SLC38A8: variants seen among roughly 807,000 people sequenced by gnomAD.
The protein encoded by SLC38A8 is amino acid transporter SLC38A8.
A neutral mutation model predicts 46.0 loss-of-function variants in SLC38A8; 65 were observed. That is an observed-to-expected ratio of 1.41 (90% CI 1.16 to 1.74). SLC38A8 has a LOEUF of 1.74. Among genes scored for constraint, SLC38A8 ranks in the 40% most tolerant of loss-of-function variants. The pLI is 0.00. For synonymous variants in SLC38A8, 447 were observed against 243.7 expected, an observed-to-expected ratio of 1.83 and a Z score of -7.77; for missense variants, 998 against 567.9, an observed-to-expected ratio of 1.76 and a Z score of -7.70.
At chr16:84,019,348 A>G (rs1037573971) in intron 7 of SLC38A8, among the ~76,000 whole-genome samples, 24 of 152,262 alleles carry the variant, frequency 1.6e-4, no homozygotes, top group Admixed American at 5.2e-4. Flanking sequence ...TGCTGGGATT[A>G]CAAGCATGAG....
intron 10 of SLC38A8, among the ~76,000 whole-genome samples, chr16:84,011,074 G>A (rs983690907): frequency 1.3e-5 from 2 of 152,204 alleles, no homozygotes; most frequent in Non-Finnish European, 2.9e-5. Context: ...AGAAGGCCGG[G>A]TTGTCATGGA....
intron 2 of SLC38A8, among the ~76,000 whole-genome samples, chr16:84,038,022 A>T (rs778976024): frequency 7.5e-4 from 114 of 151,862 alleles, no homozygotes; most frequent in Non-Finnish European, 1.3e-3. Context: ...ATTATAAAAA[A>T]TTTTCAGGCC....
chr16:84,041,533 A>C (rs9928107), intron 2 of SLC38A8, among the ~76,000 whole-genome samples: 1 of 152,086 alleles, frequency 6.6e-6, no homozygotes, highest in African/African-American at 2.4e-5. Context: ...GGCTGGTCTC[A>C]AACTCCTGAC....
At position 84,011,046 on chromosome 16, in the gene SLC38A8, GC is replaced by G. The variant is rs1264150175; in HGVS notation, c.1215-1170del. Among the ~76,000 whole-genome samples the G allele has an allele frequency of 5.3e-5, 8 of 152,256 alleles. No homozygotes were observed. In the South Asian group the frequency reaches 1.7e-3, roughly 32 times the overall value. On this transcript the variant is annotated intron_variant, in intron 10 of 10. Transcript: ENST00000299709. ...GGCAGGGCCACCAGAGATATTTGTG[GC>G]CCCATTAACAAAGACCAGAAGGCCG...
At chr16:84,015,584 T>G (rs944272852) in intron 9 of SLC38A8, among the ~76,000 whole-genome samples, 12 of 152,036 alleles carry the variant, frequency 7.9e-5, no homozygotes, top group African/African-American at 2.9e-4. Flanking sequence ...CGGCGGGGGT[T>G]CAGGGCCTCG....
intron 9 of SLC38A8, among the ~76,000 whole-genome samples, chr16:84,015,895 T>C (rs1195199550): frequency 6.6e-6 from 1 of 152,156 alleles, no homozygotes; most frequent in East Asian, 1.9e-4. Context: ...AGTAGGCTGG[T>C]CTCGACCTCC....
intron 6 of SLC38A8, among the ~76,000 whole-genome samples, chr16:84,024,374 TTAC>T (rs972455436): frequency 1.5e-4 from 23 of 152,292 alleles, no homozygotes; most frequent in Admixed American, 1.0e-3. Context: ...AGATGACTTC[TTAC>T]TACATTGCCC....
intron 6 of SLC38A8, among the ~76,000 whole-genome samples, chr16:84,027,825 C>T (rs1038119206): frequency 2.3e-4 from 35 of 152,308 alleles, no homozygotes; most frequent in African/African-American, 7.9e-4. Context: ...ATCGGGGAGG[C>T]GGCCCCGGCG....
In SLC38A8 at chr16:84,013,318, G is replaced by A. The variant is rs1345062249; in HGVS notation, c.1163-266C>T. On this transcript the variant is annotated intron_variant, in intron 9 of 10. Coordinates refer to ENST00000299709, the MANE Select transcript of SLC38A8 (RefSeq NM_001080442.3). The stretch of plus-strand genomic sequence containing the variant: ...ATCTTTCAGGCAACCTTGACAACAT[G>A]CCCCCCCACAGCAGAGTCTATGAGG... Among the ~76,000 whole-genome samples, 6 of 151,330 alleles carry A rather than the reference G, an allele frequency of 4.0e-5. No individual in the cohort carries two copies. In the East Asian group the frequency reaches 5.8e-4, roughly 15 times the overall value.
intron 10 of SLC38A8, among the ~76,000 whole-genome samples, chr16:84,010,566 A>C (rs975444125): frequency 1.3e-5 from 2 of 151,374 alleles, no homozygotes; most frequent in African/African-American, 4.8e-5. Context: ...ACATGGTGAA[A>C]CCCCATCTCT....
At chr16:84,031,767 G>A in intron 5 of SLC38A8, 100 bp downstream of exon 5, 3 of 988,096 alleles carry the variant, frequency 3.0e-6, no homozygotes, top group Non-Finnish European at 4.7e-6. Flanking sequence ...CCCAGGCTCT[G>A]CAGTGAGCCA....
intron 3 of SLC38A8, 77 bp from the exon 4 acceptor site, chr16:84,033,546 C>A (rs2085270481): frequency 6.7e-7 from 1 of 1,484,130 alleles, no homozygotes; most frequent in Non-Finnish European, 9.0e-7. Context: ...GCCCTTCAAC[C>A]CTGGCTGGGG....
intron 10 of SLC38A8, among the ~76,000 whole-genome samples, chr16:84,011,461 A>T (rs992752597): frequency 1.2e-4 from 19 of 152,262 alleles, no homozygotes; most frequent in Middle Eastern, 3.4e-3. Context: ...TCCTTTGCAA[A>T]AACCAAGCTT....
chr16:84,033,269 C>T (rs1359839517), intron 4 of SLC38A8, 59 bp downstream of exon 4: 52 of 1,611,258 alleles, frequency 3.2e-5, no homozygotes, highest in Non-Finnish European at 4.2e-5. Context: ...TGGACAGAAA[C>T]CCTGACACAA....
chr16:84,025,566 G>A (rs140126733), intron 6 of SLC38A8, among the ~76,000 whole-genome samples: 147 of 152,238 alleles, frequency 9.7e-4, no homozygotes, highest in African/African-American at 3.2e-3. Flanking sequence ...GGCCAGGATC[G>A]GAGCCTGCAC....
At chr16:84,043,150 T>G (rs2085385986), upstream of SLC38A8, among the ~76,000 whole-genome samples, 2 of 152,172 alleles carry the variant, frequency 1.3e-5, no homozygotes, top group African/African-American at 4.8e-5. Flanking sequence ...GTCTCAGAGC[T>G]AATCCCATGC....
intron 6 of SLC38A8, among the ~76,000 whole-genome samples, chr16:84,028,362 C>T (rs1031347973): frequency 1.3e-5 from 2 of 152,040 alleles, no homozygotes; most frequent in African/African-American, 4.8e-5. Context: ...GGGCAGATCG[C>T]TTGACGTCAG....
chr16:84,034,337 C>A (rs1567702181), intron 3 of SLC38A8, among the ~76,000 whole-genome samples: 1 of 152,250 alleles, frequency 6.6e-6, no homozygotes, highest in Non-Finnish European at 1.5e-5. Flanking sequence ...GCTCCACTAA[C>A]CTCTCCGTGG....
chr16:84,028,870 TC>T (rs2085200991), intron 6 of SLC38A8, among the ~76,000 whole-genome samples: 1 of 152,074 alleles, frequency 6.6e-6, no homozygotes, highest in Non-Finnish European at 1.5e-5. Context: ...TCCTTCAAGA[TC>T]CCTTTCAAAC....
Sources: gnomAD v4.1 joint callset for allele counts (sites outside exome capture counted in the v4.1 genomes callset) on GRCh38, gnomAD v4.1.1 for gene constraint, MANE v1.5 for transcripts, NCBI Gene and HGNC (gene_info 2026-07-23, HGNC 2026-07-21) for gene names.